The following SETMAR variants were observed in gnomAD, a reference collection of about 807,000 sequenced individuals.
SETMAR encodes histone-lysine N-methyltransferase SETMAR.
Under a neutral mutation model 58.4 loss-of-function variants are expected in SETMAR, and 44 were observed. That is an observed-to-expected ratio of 0.75 (90% CI 0.59 to 0.97). SETMAR has a LOEUF of 0.97. Ranked by LOEUF, SETMAR falls within the 50% of genes least tolerant of loss-of-function variation. The pLI, the probability that SETMAR is intolerant of heterozygous loss-of-function variation, is 0.00. For missense variants in SETMAR, 903 were observed against 840.2 expected (o/e 1.07, Z -0.92); for synonymous variants, 332 against 307.4 (o/e 1.08, Z -0.84).
At chr3:4,310,297 T>C (rs1034865917) in intron 1 of SETMAR, among the ~76,000 whole-genome samples, 1 of 152,216 alleles carries the variant, frequency 6.6e-6, no homozygotes, top group African/African-American at 2.4e-5. Context: ...AATATGTAAA[T>C]ACCTGAAAAG....
At chr3:4,306,528 A>G (rs560634828) in intron 1 of SETMAR, among the ~76,000 whole-genome samples, 4 of 152,342 alleles carry the variant, frequency 2.6e-5, no homozygotes, top group South Asian at 2.1e-4. Context: ...CTGTATATGC[A>G]CAGCTCCCAA....
chr3:4,307,166 G>C (rs1197567589), intron 1 of SETMAR, among the ~76,000 whole-genome samples: 1 of 152,128 alleles, frequency 6.6e-6, no homozygotes, highest in Non-Finnish European at 1.5e-5. Flanking sequence ...TAATTCAGAG[G>C]CCCAGGTTTT....
chr3:4,303,963 C>T, intron 1 of SETMAR: 1 of 852,906 alleles, frequency 1.2e-6, no homozygotes, highest in Non-Finnish European at 1.6e-6. Context: ...CTCCCTCACG[C>T]TGTGGGCTCT....
At chr3:4,308,931 A>G (rs1575076080) in intron 1 of SETMAR, among the ~76,000 whole-genome samples, 1 of 152,362 alleles carries the variant, frequency 6.6e-6, no homozygotes, top group African/African-American at 2.4e-5. Context: ...TCCTGAGAAC[A>G]TGTATCCGAA....
intron 1 of SETMAR, among the ~76,000 whole-genome samples, chr3:4,308,727 A>G (rs532219912): frequency 2.0e-5 from 3 of 152,352 alleles, no homozygotes; most frequent in Admixed American, 1.3e-4. Context: ...GTTCAAGACC[A>G]TAGTCACAGA....
At position 4,312,852 on chromosome 3, in the gene SETMAR, A is replaced by C. The variant is rs373545161; in HGVS notation, c.157-46A>C. ...AGAAGCTACTTGGAATATATAGGAA[A>C]TATATGACATGCCGTGCTGACTTAC... On this transcript the variant is annotated intron_variant, in intron 1 of 2. Coordinates refer to ENST00000358065, the MANE Select transcript of SETMAR (RefSeq NM_006515.4). The C allele has an allele frequency of 1.2e-4, 178 of 1,545,432 alleles. No individual in the cohort carries two copies. The African/African-American group carries it at 2.4e-3, about 21-fold the overall frequency.
At chr3:4,311,766 T>C (rs1698414783) in intron 1 of SETMAR, among the ~76,000 whole-genome samples, 1 of 152,248 alleles carries the variant, frequency 6.6e-6, no homozygotes, top group Admixed American at 6.5e-5. Flanking sequence ...TACTTGTTCA[T>C]TTATCTTACC....
Position 4,316,593 on chromosome 3 carries a change from C to T in SETMAR, c.1402C>T (p.Gln468Ter), listed in dbSNP as rs779326736. ...KWVPHELTEN[Q>*]KNRRFEVSSS... ...GGTGCCTCATGAGCTGACTGAAAAT[C>T]AAAAAAATCGTCGTTTTGAAGTGTC... is the stretch of plus-strand genomic sequence containing the variant. Residue 468 changes from glutamine to a stop codon, truncating the protein, a stop_gained, in exon 3 of 3, where the codon CAA becomes TAA. Coordinates refer to ENST00000358065, the MANE Select transcript of SETMAR (RefSeq NM_006515.4). LOFTEE classifies it high-confidence loss of function. The T allele has an allele frequency of 1.3e-6, 2 of 1,551,210 alleles. No individual in the cohort carries two copies. Among genetic ancestry groups the T allele is most frequent in the African/African-American group, 1.4e-5 (1 of 72,980 alleles).
rs775055979 is a variant in SETMAR at position 4,313,409 on chromosome 3, A to G, written c.668A>G (p.Asn223Ser). 2 of 1,614,022 alleles carry G rather than the reference A, an allele frequency of 1.2e-6. No homozygotes were observed. The highest frequency in any genetic ancestry group is 1.1e-5 in the South Asian group (1 of 91,072). ...TYIGNIGRFLNHSCEPNLLMI... is the reference protein window; with the variant it reads ...TYIGNIGRFLSHSCEPNLLMI... ...ATAGGAAATATTGGAAGATTCCTTAATCATTCTTGTGAGCCAAACCTTTTG... is the reference window on the plus strand; with the variant it reads ...ATAGGAAATATTGGAAGATTCCTTAGTCATTCTTGTGAGCCAAACCTTTTG... The change falls in exon 2 of 3, where the codon AAT becomes AGT. Residue 223 changes from asparagine (N) to serine (S), a missense_variant. By Grantham distance (46) the Asn-to-Ser change is conservative. Transcript: ENST00000358065.
chr3:4,309,647 C>T (rs1449945274), intron 1 of SETMAR, among the ~76,000 whole-genome samples: 1 of 152,180 alleles, frequency 6.6e-6, no homozygotes, highest in African/African-American at 2.4e-5. Context: ...CCCTGCTTCC[C>T]ATTTCTGTGG....
rs1698040314 is a variant in SETMAR, at chr3:4,303,544, C to T, written c.156+18C>T. Reference sequence around the variant, plus strand: ...CCTTCCAGGTAGGGGCGGGGCCAGGCGGCGCGGGAGGCGGGCGCGCGGCTC... The same window carrying T: ...CCTTCCAGGTAGGGGCGGGGCCAGGTGGCGCGGGAGGCGGGCGCGCGGCTC... On this transcript the variant is annotated intron_variant, in intron 1 of 2. Coordinates refer to ENST00000358065, the MANE Select transcript of SETMAR (RefSeq NM_006515.4). The T allele has an allele frequency of 1.5e-6, 2 of 1,356,592 alleles. No homozygotes were observed. Among genetic ancestry groups the T allele is most frequent in the Middle Eastern group, 2.6e-4 (1 of 3,788 alleles). 84.0% of individuals were successfully genotyped at this position (1,356,592 alleles called of 1,614,324 possible).
chr3:4,309,206 T>C lies in SETMAR; in HGVS notation c.157-3692T>C, dbSNP rs532367065. 3.3e-5 allele frequency among the ~76,000 whole-genome samples: 5 copies of C among 152,222 alleles called. No individual in the cohort carries two copies. The South Asian group carries it at 1.0e-3, about 32-fold the overall frequency. The stretch of plus-strand genomic sequence containing the variant: ...GGTAGCAGGCTTCAGAGAGAATAGA[T>C]TGTAAATGTTTTTTATCAGACTTAA... On this transcript the variant is annotated intron_variant, in intron 1 of 2. Coordinates refer to ENST00000358065, the MANE Select transcript of SETMAR (RefSeq NM_006515.4).
chr3:4,310,906 A>T (rs1199234053), intron 1 of SETMAR, among the ~76,000 whole-genome samples: 1 of 152,230 alleles, frequency 6.6e-6, no homozygotes, highest in African/African-American at 2.4e-5. Flanking sequence ...AGTACTTTTT[A>T]AAATGTCTCA....
At chr3:4,308,858 T>C (rs555279123) in intron 1 of SETMAR, among the ~76,000 whole-genome samples, 16 of 152,312 alleles carry the variant, frequency 1.1e-4, no homozygotes, top group African/African-American at 3.6e-4. Flanking sequence ...TGCAAAATAT[T>C]TGAAGAGATT....
intron 1 of SETMAR, among the ~76,000 whole-genome samples, 180 bp from the exon 2 acceptor site, chr3:4,312,718 A>C (rs1369160186): frequency 2.0e-5 from 3 of 151,534 alleles, no homozygotes; most frequent in Non-Finnish European, 2.9e-5. Flanking sequence ...AAAAAAAAAA[A>C]AAACTTGTTT....
chr3:4,307,944 G>A (rs1698255110), intron 1 of SETMAR, among the ~76,000 whole-genome samples: 1 of 152,016 alleles, frequency 6.6e-6, no homozygotes. Flanking sequence ...ACCTACTTGG[G>A]AGGCTGACCT....
At chr3:4,307,400 G>A (rs546966357) in intron 1 of SETMAR, among the ~76,000 whole-genome samples, 2 of 151,988 alleles carry the variant, frequency 1.3e-5, no homozygotes, top group South Asian at 4.2e-4. Context: ...CCTGAGACAC[G>A]TATCTGTTAG....
intron 1 of SETMAR, among the ~76,000 whole-genome samples, chr3:4,309,638 C>T (rs1263771097): frequency 1.3e-5 from 2 of 152,188 alleles, no homozygotes; most frequent in Non-Finnish European, 2.9e-5. Flanking sequence ...CCTTCACACC[C>T]CTGCTTCCCA....
chr3:4,303,713 C>T (rs1463706651), intron 1 of SETMAR, 187 bp downstream of exon 1: 1 of 1,505,812 alleles, frequency 6.6e-7, no homozygotes, highest in Non-Finnish European at 8.9e-7. Flanking sequence ...CACGGCATCA[C>T]CTTAGCAAGG....
Sources: allele counts gnomAD v4.1 joint callset (sites outside exome capture counted in the v4.1 genomes callset), GRCh38; gene constraint gnomAD v4.1.1; transcripts MANE v1.5; gene names NCBI Gene and HGNC (gene_info 2026-07-23, HGNC 2026-07-21).